Variants in PTPRQ observed in about 807,000 individuals in gnomAD.
PTPRQ encodes phosphatidylinositol phosphatase PTPRQ.
Under a neutral mutation model 246.0 loss-of-function variants are expected in PTPRQ, and 199 were observed. The observed-to-expected ratio is 0.81, with a 90% CI of 0.72 to 0.91. The LOEUF (loss-of-function observed/expected upper bound fraction) is 0.91, where lower values mean the gene tolerates loss of function less well. Among genes scored for constraint, PTPRQ ranks in the 40% least tolerant of loss-of-function variants. PTPRQ has a pLI of 0.00. For synonymous variants in PTPRQ, 869 were observed against 853.2 expected, an observed-to-expected ratio of 1.02 and a Z score of -0.32; for missense variants, 2,624 against 2,528.4, an observed-to-expected ratio of 1.04 and a Z score of -0.81.
Position 80,601,118 on chromosome 12 carries a change from G to A in PTPRQ, c.4610-3941G>A, listed in dbSNP as rs551139755. Among the ~76,000 whole-genome samples, 25 of 151,790 alleles carry A rather than the reference G, an allele frequency of 1.6e-4. No homozygotes were observed. In the East Asian group the frequency reaches 1.8e-3, roughly 11 times the overall value. On this transcript the variant is annotated intron_variant, in intron 26 of 44. Coordinates refer to ENST00000644991, the MANE Select transcript of PTPRQ (RefSeq NM_001145026.2). ...TGACCACTATATTTAAAATAGTAAC[G>A]CCCTAAGCATCTTCATGCCCATGAC...
chr12:80,595,882 GAA>G (rs1897954816), intron 26 of PTPRQ, among the ~76,000 whole-genome samples: 1 of 151,768 alleles, frequency 6.6e-6, no homozygotes, highest in Admixed American at 6.6e-5. Flanking sequence ...ATTAACATAA[GAA>G]ATATAAATTA....
At chr12:80,562,723 G>T (rs917440675) in intron 25 of PTPRQ, among the ~76,000 whole-genome samples, 5 of 151,980 alleles carry the variant, frequency 3.3e-5, no homozygotes, top group African/African-American at 1.2e-4. Context: ...AAAGCCTAGA[G>T]ATAGAAAAGG....
intron 14 of PTPRQ, among the ~76,000 whole-genome samples, chr12:80,502,517 T>C (rs1894834332): frequency 6.6e-6 from 1 of 151,962 alleles, no homozygotes; most frequent in African/African-American, 2.4e-5. Context: ...CATGTGAAGC[T>C]AGCAGAGTTT....
At chr12:80,553,229 G>A (rs1258914709) in intron 25 of PTPRQ, among the ~76,000 whole-genome samples, 2 of 151,552 alleles carry the variant, frequency 1.3e-5, no homozygotes, top group African/African-American at 2.4e-5. Flanking sequence ...ATTCTTTAAG[G>A]AGAATCATTT....
intron 26 of PTPRQ, among the ~76,000 whole-genome samples, chr12:80,601,388 C>A (rs1237465542): frequency 2.0e-5 from 3 of 151,792 alleles, no homozygotes; most frequent in South Asian, 2.1e-4. Context: ...ACAGTAGAAG[C>A]TTTATGGATG....
At chr12:80,544,701 T>G (rs1414892186) in intron 23 of PTPRQ, among the ~76,000 whole-genome samples, 1 of 152,158 alleles carries the variant, frequency 6.6e-6, no homozygotes, top group Non-Finnish European at 1.5e-5. Context: ...TTTTTCTATT[T>G]CGCTTTCTCT....
chr12:80,617,491 G>A lies in PTPRQ; in HGVS notation c.5230+1225G>A, dbSNP rs971818541. Among the ~76,000 whole-genome samples, 3 of 151,432 alleles carry A rather than the reference G, an allele frequency of 2.0e-5. 1 individual carries two copies. The Admixed American group carries it at 2.0e-4, about 10-fold the overall frequency. ...TCACAAAATGACTTCACAAAGAATA[G>A]TATGAGTCATACCTTTTAAATTTAT... On this transcript the variant is annotated intron_variant, in intron 30 of 44. Transcript: ENST00000644991.
At chr12:80,602,182 T>C (rs1898168026) in intron 26 of PTPRQ, among the ~76,000 whole-genome samples, 1 of 151,786 alleles carries the variant, frequency 6.6e-6, no homozygotes, top group Non-Finnish European at 1.5e-5. Context: ...ATTTGTTCAC[T>C]GAAAGTTCCT....
chr12:80,527,479 G>A (rs764515720), intron 17 of PTPRQ, among the ~76,000 whole-genome samples: 7 of 151,504 alleles, frequency 4.6e-5, no homozygotes, highest in Non-Finnish European at 7.4e-5. Context: ...AAGCAGACAG[G>A]GAAGAAACAT....
chr12:80,611,538 A>AT (rs1414089334), intron 28 of PTPRQ, among the ~76,000 whole-genome samples: 1 of 150,278 alleles, frequency 6.7e-6, no homozygotes, highest in Non-Finnish European at 1.5e-5. Flanking sequence ...CTATTTTCTG[A>AT]TTATGCTTTT....
intron 6 of PTPRQ, among the ~76,000 whole-genome samples, chr12:80,465,815 C>G (rs1172117460): frequency 6.6e-6 from 1 of 152,134 alleles, no homozygotes; most frequent in Non-Finnish European, 1.5e-5. Context: ...ACCCTCCATG[C>G]TAAAAACCCT....
At chr12:80,666,316 C>T (rs1317579775) in intron 39 of PTPRQ, among the ~76,000 whole-genome samples, 3 of 151,782 alleles carry the variant, frequency 2.0e-5, no homozygotes, top group African/African-American at 7.3e-5. Context: ...AATCCAGGAA[C>T]AGAAAAATAA....
At chr12:80,643,207 G>A (rs1480971678) in intron 35 of PTPRQ, among the ~76,000 whole-genome samples, 1 of 152,130 alleles carries the variant, frequency 6.6e-6, no homozygotes, top group Non-Finnish European at 1.5e-5. Context: ...GGAGGTCGAG[G>A]CGGGTAGATC....
chr12:80,648,391 G>A (rs1900146851), intron 35 of PTPRQ, among the ~76,000 whole-genome samples: 1 of 151,742 alleles, frequency 6.6e-6, no homozygotes, highest in Admixed American at 6.6e-5. Context: ...ACAAAAGATA[G>A]GTCTAAAATA....
intron 26 of PTPRQ, among the ~76,000 whole-genome samples, chr12:80,589,004 GA>G (rs1426033767): frequency 2.6e-5 from 4 of 152,192 alleles, no homozygotes; most frequent in Non-Finnish European, 5.9e-5. Flanking sequence ...AGAAAATACA[GA>G]GAAGAAACAC....
Position 80,454,663 on chromosome 12 carries a change from G to A in PTPRQ, c.391-2912G>A, listed in dbSNP as rs184877337. 1.1e-5 allele frequency: 7 copies of A among 621,714 alleles called. No homozygotes were observed. In the East Asian group the frequency reaches 1.7e-4, roughly 15 times the overall value. 38.5% of individuals were successfully genotyped at this position (621,714 alleles called of 1,614,324 possible). A position where few individuals can be genotyped will look rare whatever the true frequency, so the allele number is the denominator to read the frequency against. On this transcript the variant is annotated intron_variant, in intron 3 of 44. Transcript: ENST00000644991. ...TCCTTTGATGCCTACTTTGTTGAGG[G>A]TTTTTATCATGAAGGGATATTGGAT...
At chr12:80,468,676 T>C (rs1424031435) in intron 6 of PTPRQ, 34 bp from the exon 7 acceptor site, 1 of 1,481,256 alleles carries the variant, frequency 6.8e-7, no homozygotes, top group Admixed American at 2.5e-5. Flanking sequence ...ATTTTAAATA[T>C]ATGTTATGTA....
At chr12:80,678,962 G>A in intron 44 of PTPRQ, 24 bp from the exon 45 acceptor site, 1 of 1,535,074 alleles carries the variant, frequency 6.5e-7, no homozygotes, top group Non-Finnish European at 8.8e-7. Context: ...ACACTCTCTT[G>A]TAACATGTTA....
At chr12:80,537,989 G>A (rs1405120123) in intron 19 of PTPRQ, among the ~76,000 whole-genome samples, 2 of 152,010 alleles carry the variant, frequency 1.3e-5, no homozygotes, top group Non-Finnish European at 2.9e-5. Flanking sequence ...GGCTCCTGTA[G>A]TCCCAGGTAC....
Sources: allele counts gnomAD v4.1 joint callset (sites outside exome capture counted in the v4.1 genomes callset), GRCh38; gene constraint gnomAD v4.1.1; transcripts MANE v1.5; gene names NCBI Gene and HGNC (gene_info 2026-07-23, HGNC 2026-07-21).